Variants in DCDC2 observed in about 807,000 individuals in gnomAD.
The protein encoded by DCDC2 is doublecortin domain containing 2.
DCDC2 carries 40 observed loss-of-function variants against 50.2 expected under a neutral mutation model. That is an observed-to-expected ratio of 0.80 (90% confidence interval 0.62 to 1.04). The LOEUF (loss-of-function observed/expected upper bound fraction) is 1.04, where lower values mean the gene tolerates loss of function less well. Ranked by LOEUF, DCDC2 falls within the 50% of genes least tolerant of loss-of-function variation. The pLI is 0.00. For synonymous variants in DCDC2, 234 were observed against 210.6 expected (o/e 1.11, Z -0.96); for missense variants, 570 against 581.9 (o/e 0.98, Z 0.21).
chr6:24,280,047 T>C (rs553394039), intron 6 of DCDC2, among the ~76,000 whole-genome samples: 2 of 152,336 alleles, frequency 1.3e-5, no homozygotes, highest in East Asian at 1.9e-4. Flanking sequence ...TGAAAGTAAA[T>C]GTAGTAATAT....
chr6:24,350,061 A>G (rs1402903690), intron 2 of DCDC2, among the ~76,000 whole-genome samples: 1 of 152,116 alleles, frequency 6.6e-6, no homozygotes, highest in Non-Finnish European at 1.5e-5. Context: ...GGTTAGGTCC[A>G]TTACAGTTCT....
chr6:24,211,140 C>T (rs72828977), intron 7 of DCDC2, among the ~76,000 whole-genome samples: 4,525 of 152,226 alleles, frequency 0.03, 95 homozygotes, highest in Non-Finnish European at 0.042. Context: ...GCAGTTTGTC[C>T]GTATTTTTCA....
chr6:24,264,490 T>C (rs1336158821), intron 7 of DCDC2, among the ~76,000 whole-genome samples: 3 of 152,070 alleles, frequency 2.0e-5, no homozygotes, highest in Non-Finnish European at 4.4e-5. Context: ...GGTTAAACTG[T>C]AGAGTTTTTA....
At chr6:24,283,410 T>G (rs1763520835) in intron 6 of DCDC2, among the ~76,000 whole-genome samples, 1 of 152,234 alleles carries the variant, frequency 6.6e-6, no homozygotes, top group Admixed American at 6.5e-5. Flanking sequence ...CAGGGGTCCC[T>G]GTGTACACTA....
chr6:24,309,181 C>T (rs807688), intron 2 of DCDC2, among the ~76,000 whole-genome samples: 116,791 of 151,912 alleles, frequency 0.77, 47,539 homozygotes, highest in East Asian at 0.99. Context: ...AAAAATTAGC[C>T]AGGCTTGGTG....
At chr6:24,248,591 T>C (rs990434063) in intron 7 of DCDC2, among the ~76,000 whole-genome samples, 1 of 152,120 alleles carries the variant, frequency 6.6e-6, no homozygotes, top group African/African-American at 2.4e-5. Flanking sequence ...ATATACGTGG[T>C]TAAGCAAAGG....
At chr6:24,179,782 A>G (rs1017526592) in intron 8 of DCDC2, among the ~76,000 whole-genome samples, 57 of 149,758 alleles carry the variant, frequency 3.8e-4, no homozygotes, top group African/African-American at 5.9e-4. Context: ...GTGAAACCCC[A>G]TCTCTACTAA....
intron 7 of DCDC2, among the ~76,000 whole-genome samples, chr6:24,270,707 C>G (rs1328039781): frequency 6.6e-6 from 1 of 152,144 alleles, no homozygotes; most frequent in Non-Finnish European, 1.5e-5. Flanking sequence ...TCCCTCCACC[C>G]TGTCACCCTC....
intron 2 of DCDC2, among the ~76,000 whole-genome samples, chr6:24,316,944 T>A (rs1420168826): frequency 1.3e-5 from 2 of 151,852 alleles, no homozygotes; most frequent in Non-Finnish European, 2.9e-5. Context: ...TATAAAATAT[T>A]CCATGATTAC....
chr6:24,182,148 T>C (rs1220727504), intron 8 of DCDC2, among the ~76,000 whole-genome samples: 4 of 152,170 alleles, frequency 2.6e-5, no homozygotes, highest in Non-Finnish European at 5.9e-5. Context: ...CTAACATATG[T>C]ACAAAAAATA....
chr6:24,323,636 A>T (rs1040690313), intron 2 of DCDC2, among the ~76,000 whole-genome samples: 1 of 152,198 alleles, frequency 6.6e-6, no homozygotes, highest in African/African-American at 2.4e-5. Context: ...GATCTAATAC[A>T]TAAGAGACCT....
chr6:24,376,464 C>G, the DCDC2 span, among the ~76,000 whole-genome samples: 5 of 151,964 alleles, frequency 3.3e-5, no homozygotes, highest in African/African-American at 1.2e-4. Context: ...CTTGGCTGCA[C>G]GAGCAGTAGA....
chr6:24,265,255 GA>G (rs1763094722), intron 7 of DCDC2, among the ~76,000 whole-genome samples: 1 of 152,166 alleles, frequency 6.6e-6, no homozygotes, highest in Non-Finnish European at 1.5e-5. Flanking sequence ...ATCCAATACT[GA>G]AGCACCCAGA....
chr6:24,308,805 C>A (rs1027750746), intron 2 of DCDC2, among the ~76,000 whole-genome samples: 1 of 152,048 alleles, frequency 6.6e-6, no homozygotes, highest in Non-Finnish European at 1.5e-5. Context: ...TCATTCCATG[C>A]GCTTTAGCAA....
At chr6:24,267,295 G>A (rs1484807573) in intron 7 of DCDC2, among the ~76,000 whole-genome samples, 1 of 152,080 alleles carries the variant, frequency 6.6e-6, no homozygotes, top group African/African-American at 2.4e-5. Context: ...ATAACTAAAA[G>A]GGTATAATTG....
Position 24,301,734 on chromosome 6 carries a change from T to C in DCDC2, c.538A>G (p.Arg180Gly). The C allele has an allele frequency of 6.2e-7, 1 of 1,614,156 alleles. No individual in the cohort carries two copies. Among genetic ancestry groups the C allele is most frequent in the Non-Finnish European group, 8.5e-7 (1 of 1,180,020 alleles). ...LQMVTEKITL[R>G]SGAVHRLYTL... ...ACATACCTGTGAACAGCCCCGCTCC[T>C]CAGAGTGATTTTTTCTGTGACCATT... is the stretch of plus-strand genomic sequence containing the variant. Residue 180 changes from arginine to glycine, a missense_variant, in exon 4 of 10, where the codon AGG (arginine) becomes GGG (glycine). Physicochemically the swap from Arg to Gly is moderately radical, Grantham distance 125 (BLOSUM62 -2). Coordinates refer to ENST00000378454, the MANE Select transcript of DCDC2 (RefSeq NM_016356.5).
At chr6:24,276,606 A>C (rs901138791) in intron 7 of DCDC2, among the ~76,000 whole-genome samples, 1 of 152,238 alleles carries the variant, frequency 6.6e-6, no homozygotes, top group Admixed American at 6.5e-5. Flanking sequence ...GGGGCCTCAC[A>C]ATCTAGTATC....
chr6:24,309,480 CATA>C lies in DCDC2; in HGVS notation c.349-7439_349-7437del. Among the ~76,000 whole-genome samples, 2 of 151,952 alleles carry C rather than the reference CATA, an allele frequency of 1.3e-5. 1 individual carries two copies. The highest frequency in any genetic ancestry group is 2.9e-5 in the Non-Finnish European group (2 of 68,000). On this transcript the variant is annotated intron_variant, in intron 2 of 9. Coordinates refer to ENST00000378454, the MANE Select transcript of DCDC2 (RefSeq NM_016356.5). ...GAATTACACTGTTGTACAGAACTGG[CATA>C]ATATTATTTGAAGGCAAACTAAAAT...
At chr6:24,226,093 A>G (rs925777739) in intron 7 of DCDC2, among the ~76,000 whole-genome samples, 3 of 152,254 alleles carry the variant, frequency 2.0e-5, no homozygotes, top group African/African-American at 7.2e-5. Context: ...TGTCTAAAAC[A>G]TAATACTTGC....
Sources: gnomAD v4.1 joint callset for allele counts (sites outside exome capture counted in the v4.1 genomes callset) on GRCh38, gnomAD v4.1.1 for gene constraint, MANE v1.5 for transcripts, NCBI Gene and HGNC (gene_info 2026-07-23, HGNC 2026-07-21) for gene names.